RMDN1: variants seen among roughly 807,000 people sequenced by gnomAD.
The protein encoded by RMDN1 is regulator of microtubule dynamics 1.
In RMDN1, 48 loss-of-function variants were observed where a neutral mutation model predicts 48.9. The ratio of observed to expected loss-of-function variants is 0.98; its 90% CI spans 0.78 to 1.25. The LOEUF (loss-of-function observed/expected upper bound fraction) is 1.25. Ranked by LOEUF, RMDN1 falls within the 50% of genes most tolerant of loss-of-function variation. The probability of loss-of-function intolerance (pLI) is 0.00; values close to 1 mark genes in which losing one functional copy is unlikely to be tolerated. For synonymous variants in RMDN1, 148 were observed against 132.6 expected (o/e 1.12, Z -0.80); for missense variants, 418 against 373.4 (o/e 1.12, Z -0.98).
At chr8:86,507,694 G>A (rs1449577566) in intron 1 of RMDN1, among the ~76,000 whole-genome samples, 2 of 151,104 alleles carry the variant, frequency 1.3e-5, no homozygotes, top group Non-Finnish European at 3.0e-5. Flanking sequence ...CGGCTAACTA[G>A]TTTCATACTT....
At chr8:86,488,701 T>G in intron 2 of RMDN1, 62 bp from the exon 3 acceptor site, 9 of 1,134,382 alleles carry the variant, frequency 7.9e-6, no homozygotes, top group Non-Finnish European at 1.0e-5. Context: ...CAGATGACAA[T>G]AATTCAAAGA....
chr8:86,474,521 C>T (rs1813035604), intron 9 of RMDN1, 163 bp from the exon 10 acceptor site: 3 of 687,040 alleles, frequency 4.4e-6, no homozygotes, highest in Admixed American at 4.9e-5. Flanking sequence ...CTCAGCTCTT[C>T]CACTTTAGTA....
chr8:86,503,385 A>ACAAAAC (rs60830118), intron 2 of RMDN1, among the ~76,000 whole-genome samples: 10 of 81,094 alleles, frequency 1.2e-4, no homozygotes, highest in African/African-American at 4.1e-4. Context: ...AAAAAAAAAA[A>ACAAAAC]AAAACAAAAA....
chr8:86,494,414 G>A (rs1291261427), intron 2 of RMDN1, among the ~76,000 whole-genome samples: 1 of 152,022 alleles, frequency 6.6e-6, no homozygotes, highest in Non-Finnish European at 1.5e-5. Flanking sequence ...AAATTAGCTG[G>A]GCATGGTGAC....
chr8:86,488,640 C>A lies in RMDN1; in HGVS notation c.248-1G>T. The A allele has an allele frequency of 6.2e-7, 1 of 1,601,966 alleles. No homozygotes were observed. Among genetic ancestry groups the A allele is most frequent in the Non-Finnish European group, 8.5e-7 (1 of 1,172,958 alleles). ...TCTGCTTGTTCAAGTATTTCTTCAACTTCAAAGATTATAAAGGAAAAAAGA... is the reference window on the plus strand; with the variant it reads ...TCTGCTTGTTCAAGTATTTCTTCAAATTCAAAGATTATAAAGGAAAAAAGA... On this transcript the variant is annotated splice_acceptor_variant, in intron 2 of 9. Transcript: ENST00000406452. LOFTEE classifies it high-confidence loss of function.
At chr8:86,479,214 T>C (rs1367333139) in intron 6 of RMDN1, among the ~76,000 whole-genome samples, 2 of 152,144 alleles carry the variant, frequency 1.3e-5, no homozygotes, top group Non-Finnish European at 2.9e-5. Flanking sequence ...ATATAAATAG[T>C]AAGCAGTCAT....
chr8:86,473,942 G>A lies in RMDN1; in HGVS notation c.*366C>T, dbSNP rs1337438466. 1 of 1,009,850 alleles carries A rather than the reference G, an allele frequency of 9.9e-7. No individual in the cohort carries two copies. The allele number at this position is 1,009,850 out of a possible 1,614,324, so 62.6% of individuals were successfully genotyped here. A position where few individuals can be genotyped will look rare whatever the true frequency, so the allele number is the denominator to read the frequency against. On this transcript the variant is annotated 3_prime_UTR_variant, in exon 10 of 10. Coordinates refer to ENST00000406452, the MANE Select transcript of RMDN1 (RefSeq NM_016033.3). ...TTTCAACTTAGAATCAATCCAATTT[G>A]AAAATCCATCCCCCTGTATATCCCC...
intron 6 of RMDN1, among the ~76,000 whole-genome samples, chr8:86,479,349 A>G (rs771609234): frequency 3.9e-5 from 6 of 152,158 alleles, no homozygotes; most frequent in African/African-American, 9.7e-5. Context: ...TATTTTTCTT[A>G]TAAGAAAAAC....
intron 5 of RMDN1, 102 bp downstream of exon 5, chr8:86,484,770 T>C: frequency 1.7e-6 from 1 of 603,718 alleles, no homozygotes; most frequent in Non-Finnish European, 2.9e-6. Flanking sequence ...ACTCCACTGT[T>C]ATCATAGGTG....
intron 3 of RMDN1, 41 bp downstream of exon 3, chr8:86,488,511 T>C (rs776705038): frequency 2.4e-5 from 31 of 1,288,676 alleles, no homozygotes; most frequent in South Asian, 3.1e-5. Flanking sequence ...AACAAAAATT[T>C]TGAGGAAACC....
chr8:86,470,454 C>G, downstream of RMDN1: 9 of 1,232,368 alleles, frequency 7.3e-6, no homozygotes, highest in Non-Finnish European at 9.4e-6. Context: ...GAATCAGAAT[C>G]TTGGGAAGGC....
At chr8:86,504,941 C>A in intron 2 of RMDN1, 1 of 1,276,926 alleles carries the variant, frequency 7.8e-7, no homozygotes, top group Non-Finnish European at 1.1e-6. Flanking sequence ...AGACCCATGG[C>A]AGGGCTTTTG....
chr8:86,478,781 C>A (rs1813834858), intron 7 of RMDN1, 142 bp downstream of exon 7: 3 of 734,288 alleles, frequency 4.1e-6, no homozygotes, highest in Non-Finnish European at 7.3e-6. Flanking sequence ...AAGTGTTAAG[C>A]CTTGTGATAA....
At chr8:86,499,420 A>G (rs867520230) in intron 2 of RMDN1, among the ~76,000 whole-genome samples, 3 of 152,178 alleles carry the variant, frequency 2.0e-5, no homozygotes, top group South Asian at 2.1e-4. Flanking sequence ...CTATACACCA[A>G]TAACACCCAA....
At position 86,474,050 on chromosome 8, in the gene RMDN1, C is replaced by T. The variant is rs1375000707; in HGVS notation, c.*258G>A. 3.4e-6 allele frequency: 4 copies of T among 1,189,070 alleles called. No individual in the cohort carries two copies. Among genetic ancestry groups the T allele is most frequent in the East Asian group, 4.4e-5 (1 of 22,924 alleles). The allele number at this position is 1,189,070 out of a possible 1,614,324, so 73.7% of individuals were successfully genotyped here. A position where few individuals can be genotyped will look rare whatever the true frequency, so the allele number is the denominator to read the frequency against. The stretch of plus-strand genomic sequence containing the variant: ...GTGATCAATCCTTAGAAATCTCATA[C>T]CATTTTGCATTGCTGGTATCCAGGA... On this transcript the variant is annotated 3_prime_UTR_variant, in exon 10 of 10. Coordinates refer to ENST00000406452, the MANE Select transcript of RMDN1 (RefSeq NM_016033.3).
chr8:86,504,993 G>T, intron 2 of RMDN1: 1 of 1,464,938 alleles, frequency 6.8e-7, no homozygotes, highest in Non-Finnish European at 9.4e-7. Context: ...ACATGGTGCA[G>T]ATAGATCTGG....
downstream of RMDN1, chr8:86,468,312 T>G (rs1016126693): frequency 3.1e-4 from 134 of 429,984 alleles, no homozygotes; most frequent in African/African-American, 2.6e-3. Flanking sequence ...GAGAGTGTGT[T>G]CTCCATTTTA....
intron 4 of RMDN1, 93 bp downstream of exon 4, chr8:86,486,391 G>C (rs941773384): frequency 1.1e-5 from 10 of 888,334 alleles, no homozygotes; most frequent in African/African-American, 1.7e-5. Context: ...TTAAAATAGA[G>C]AAATTGTTCT....
At chr8:86,481,174 G>C (rs1229350444) in intron 5 of RMDN1, among the ~76,000 whole-genome samples, 1 of 152,000 alleles carries the variant, frequency 6.6e-6, no homozygotes, top group Non-Finnish European at 1.5e-5. Context: ...TCAAATATTT[G>C]TAATGGTTAA....
Sources: gnomAD v4.1 joint callset for allele counts (sites outside exome capture counted in the v4.1 genomes callset) on GRCh38, gnomAD v4.1.1 for gene constraint, MANE v1.5 for transcripts, NCBI Gene and HGNC (gene_info 2026-07-23, HGNC 2026-07-21) for gene names.